The following WWOX variants were observed in gnomAD, a reference collection of about 807,000 sequenced individuals.
WWOX encodes WW domain-containing oxidoreductase.
WWOX carries 69 observed loss-of-function variants against 46.2 expected under a neutral mutation model. That is an observed-to-expected ratio of 1.49 (90% CI 1.23 to 1.82). The LOEUF (loss-of-function observed/expected upper bound fraction) is 1.82, where lower values mean the gene tolerates loss of function less well. Among genes scored for constraint, WWOX ranks in the 40% most tolerant of loss-of-function variants. The pLI, the probability that WWOX is intolerant of heterozygous loss-of-function variation, is 0.00. For synonymous variants in WWOX, 359 were observed against 202.6 expected (o/e 1.77, Z -6.56); for missense variants, 919 against 542.6 (o/e 1.69, Z -6.89).
chr16:78,705,655 C>A (rs375784473), intron 8 of WWOX, among the ~76,000 whole-genome samples: 2 of 152,104 alleles, frequency 1.3e-5, no homozygotes, highest in East Asian at 3.8e-4. Flanking sequence ...TGTATGATCA[C>A]CCATGTAAAA....
chr16:78,526,952 G>A (rs1436732813), intron 8 of WWOX, among the ~76,000 whole-genome samples: 1 of 152,168 alleles, frequency 6.6e-6, no homozygotes, highest in African/African-American at 2.4e-5. Context: ...ATCACCTGAG[G>A]TCAGGAGTTC....
At chr16:78,886,928 A>G (rs771002579) in intron 8 of WWOX, among the ~76,000 whole-genome samples, 7 of 152,114 alleles carry the variant, frequency 4.6e-5, no homozygotes, top group Non-Finnish European at 8.8e-5. Context: ...CAAAGCTTCT[A>G]TCCTATGAAA....
intron 8 of WWOX, among the ~76,000 whole-genome samples, chr16:78,732,729 A>G (rs1472306028): frequency 6.6e-6 from 1 of 152,182 alleles, no homozygotes; most frequent in Non-Finnish European, 1.5e-5. Context: ...TGGTTAATTT[A>G]AATAAAATAA....
At chr16:78,294,253 C>T (rs553476693) in intron 5 of WWOX, among the ~76,000 whole-genome samples, 1 of 152,242 alleles carries the variant, frequency 6.6e-6, no homozygotes, top group African/African-American at 2.4e-5. Flanking sequence ...CTTCTCTGGA[C>T]CTGCCTTGAC....
intron 5 of WWOX, among the ~76,000 whole-genome samples, chr16:78,190,033 C>A (rs1448403329): frequency 6.6e-6 from 1 of 152,146 alleles, no homozygotes; most frequent in East Asian, 1.9e-4. Flanking sequence ...TCTTGTCCAG[C>A]ACATGTGTCC....
intron 5 of WWOX, among the ~76,000 whole-genome samples, chr16:78,311,370 A>G (rs1292551973): frequency 6.6e-6 from 1 of 152,222 alleles, no homozygotes; most frequent in Non-Finnish European, 1.5e-5. Context: ...AGTTCCTACC[A>G]CAAGGTCCGG....
At chr16:79,106,581 A>ATTT in intron 8 of WWOX, 4 of 116,496 alleles carry the variant, frequency 3.4e-5, no homozygotes, top group Admixed American at 2.6e-4. Flanking sequence ...TTCTTAAAAT[A>ATTT]ATTTTTTTTT....
At chr16:78,652,377 C>G (rs140822887) in intron 8 of WWOX, among the ~76,000 whole-genome samples, 7,462 of 146,424 alleles carry the variant, frequency 0.051, 269 homozygotes, top group Non-Finnish European at 0.076. Flanking sequence ...CCAGTGTACT[C>G]CAGCCTGGGT....
chr16:79,003,274 A>C (rs565907671), intron 8 of WWOX, among the ~76,000 whole-genome samples: 1 of 152,320 alleles, frequency 6.6e-6, no homozygotes, highest in South Asian at 2.1e-4. Flanking sequence ...AATGAAACTG[A>C]AAGGCAATCA....
chr16:78,488,000 A>C (rs1047543376), intron 8 of WWOX, among the ~76,000 whole-genome samples: 3 of 152,194 alleles, frequency 2.0e-5, no homozygotes, highest in Non-Finnish European at 2.9e-5. Flanking sequence ...AGGAGTCCTC[A>C]GAAATGGGGC....
intron 8 of WWOX, among the ~76,000 whole-genome samples, chr16:78,980,041 T>A (rs902439269): frequency 6.6e-6 from 1 of 152,104 alleles, no homozygotes; most frequent in Non-Finnish European, 1.5e-5. Context: ...GGCAGGAGAA[T>A]CACTTGAACT....
intron 8 of WWOX, among the ~76,000 whole-genome samples, chr16:78,903,877 G>A (rs924815349): frequency 2.6e-5 from 4 of 152,198 alleles, no homozygotes; most frequent in African/African-American, 7.2e-5. Flanking sequence ...GCAGGGGACT[G>A]TTGTTATTCC....
intron 5 of WWOX, among the ~76,000 whole-genome samples, chr16:78,208,207 A>G (rs983220040): frequency 1.7e-4 from 26 of 152,328 alleles, no homozygotes; most frequent in African/African-American, 6.3e-4. Context: ...GTTTTCTATA[A>G]TAAAGCTAGG....
At chr16:78,369,401 A>T (rs985088587) in intron 5 of WWOX, among the ~76,000 whole-genome samples, 5 of 152,226 alleles carry the variant, frequency 3.3e-5, no homozygotes, top group Non-Finnish European at 7.3e-5. Flanking sequence ...TGACTAAGTT[A>T]GTGGAAGACT....
chr16:78,923,611 G>T (rs557322791), intron 8 of WWOX, among the ~76,000 whole-genome samples: 4 of 151,964 alleles, frequency 2.6e-5, no homozygotes, highest in South Asian at 2.1e-4. Flanking sequence ...CTTGGCGGGT[G>T]GGGGGATATT....
intron 5 of WWOX, among the ~76,000 whole-genome samples, chr16:78,232,268 C>T (rs1421847776): frequency 2.0e-5 from 3 of 152,122 alleles, no homozygotes; most frequent in Admixed American, 6.6e-5. Flanking sequence ...CAAACACATT[C>T]GTCTGTTCGT....
intron 5 of WWOX, among the ~76,000 whole-genome samples, chr16:78,386,641 C>A (rs183465347): frequency 6.7e-6 from 1 of 148,498 alleles, no homozygotes; most frequent in Admixed American, 6.9e-5. Context: ...GCCCCACCCC[C>A]CAGCCTGTAG....
intron 8 of WWOX, among the ~76,000 whole-genome samples, chr16:78,526,690 A>G (rs931756579): frequency 6.6e-6 from 1 of 152,110 alleles, no homozygotes; most frequent in Non-Finnish European, 1.5e-5. Flanking sequence ...AGGACGTGTC[A>G]AGACTGCAGC....
At chr16:78,609,220 C>T (rs1370486067) in intron 8 of WWOX, among the ~76,000 whole-genome samples, 1 of 152,068 alleles carries the variant, frequency 6.6e-6, no homozygotes, top group African/African-American at 2.4e-5. Context: ...TCATTGTTTC[C>T]TGACAGGTTT....
Sources: gnomAD v4.1 joint callset for allele counts (sites outside exome capture counted in the v4.1 genomes callset) on GRCh38, gnomAD v4.1.1 for gene constraint, MANE v1.5 for transcripts, NCBI Gene and HGNC (gene_info 2026-07-23, HGNC 2026-07-21) for gene names.